SORCS3: variants seen among roughly 807,000 people sequenced by gnomAD.
SORCS3 encodes VPS10 domain-containing receptor SorCS3.
SORCS3 carries 57 observed loss-of-function variants against 146.3 expected under a neutral mutation model. That is an observed-to-expected ratio of 0.39 (90% CI 0.31 to 0.49). The LOEUF (loss-of-function observed/expected upper bound fraction) is 0.49. Among genes scored for constraint, SORCS3 ranks in the 20% least tolerant of loss-of-function variants. The pLI, the probability that SORCS3 is intolerant of heterozygous loss-of-function variation, is 0.92. For synonymous variants in SORCS3, 653 were observed against 618.5 expected, an observed-to-expected ratio of 1.06 and a Z score of -0.83; for missense variants, 1,341 against 1,575.5, an observed-to-expected ratio of 0.85 and a Z score of 2.52.
chr10:104,828,793 C>T (rs540563001), intron 1 of SORCS3, among the ~76,000 whole-genome samples: 10 of 152,286 alleles, frequency 6.6e-5, no homozygotes, highest in East Asian at 3.9e-4. Flanking sequence ...GGTCTGATTT[C>T]GGGAGATTGC....
At chr10:105,028,808 G>A (rs1471897169) in intron 4 of SORCS3, among the ~76,000 whole-genome samples, 1 of 152,138 alleles carries the variant, frequency 6.6e-6, no homozygotes, top group Non-Finnish European at 1.5e-5. Flanking sequence ...CCTGGTGTTA[G>A]AGGTCAAAGA....
At chr10:105,160,739 C>T (rs779798631) in intron 11 of SORCS3, among the ~76,000 whole-genome samples, 13 of 152,206 alleles carry the variant, frequency 8.5e-5, no homozygotes, top group Non-Finnish European at 1.6e-4. Context: ...ACTCTTCTTA[C>T]ATCAGAAGAA....
chr10:105,021,171 C>A (rs1454720227), intron 4 of SORCS3, among the ~76,000 whole-genome samples: 1 of 152,144 alleles, frequency 6.6e-6, no homozygotes, highest in African/African-American at 2.4e-5. Context: ...TTATTATAAA[C>A]AAATTTATTG....
intron 1 of SORCS3, among the ~76,000 whole-genome samples, chr10:104,718,061 G>A (rs1206856470): frequency 2.0e-5 from 3 of 152,094 alleles, no homozygotes; most frequent in East Asian, 1.9e-4. Flanking sequence ...CAGGAGAATC[G>A]CTTGAACCTG....
intron 19 of SORCS3, among the ~76,000 whole-genome samples, chr10:105,222,519 G>C (rs1024838306): frequency 6.6e-6 from 1 of 152,082 alleles, no homozygotes; most frequent in Non-Finnish European, 1.5e-5. Flanking sequence ...TAAGAAGCTT[G>C]GTTACCTTTC....
chr10:104,872,169 T>C (rs557164016), intron 2 of SORCS3, among the ~76,000 whole-genome samples: 2 of 152,298 alleles, frequency 1.3e-5, no homozygotes, highest in South Asian at 2.1e-4. Flanking sequence ...AAACTTACAA[T>C]GTACCATGAG....
At chr10:104,944,324 G>T (rs1451608114) in intron 3 of SORCS3, among the ~76,000 whole-genome samples, 3 of 152,052 alleles carry the variant, frequency 2.0e-5, no homozygotes, top group African/African-American at 7.2e-5. Flanking sequence ...TCTTATATAG[G>T]CTTCTAAAAA....
At chr10:105,213,510 G>T (rs2056646937) in intron 17 of SORCS3, among the ~76,000 whole-genome samples, 1 of 152,190 alleles carries the variant, frequency 6.6e-6, no homozygotes, top group South Asian at 2.1e-4. Flanking sequence ...GATGGTCATA[G>T]TGGTGGTGTG....
At chr10:104,706,740 T>C (rs1768569276) in intron 1 of SORCS3, among the ~76,000 whole-genome samples, 1 of 152,210 alleles carries the variant, frequency 6.6e-6, no homozygotes. Context: ...CACACACACA[T>C]ACACATATGT....
At chr10:105,129,528 A>T (rs1007565363) in intron 7 of SORCS3, among the ~76,000 whole-genome samples, 2 of 151,904 alleles carry the variant, frequency 1.3e-5, no homozygotes, top group African/African-American at 2.4e-5. Context: ...CACTGAAAGT[A>T]TTAGCTCTTA....
intron 2 of SORCS3, among the ~76,000 whole-genome samples, chr10:104,876,772 C>CCTT (rs1445985986): frequency 7.3e-6 from 1 of 136,056 alleles, no homozygotes; most frequent in South Asian, 2.4e-4. Context: ...TTCCTTCCTT[C>CCTT]CTTTCCTTCT....
intron 14 of SORCS3, among the ~76,000 whole-genome samples, chr10:105,196,847 G>A (rs1564782236): frequency 6.6e-6 from 1 of 152,096 alleles, no homozygotes; most frequent in Non-Finnish European, 1.5e-5. Flanking sequence ...AAATTTAGTG[G>A]CTTAAAAGAA....
At chr10:104,738,489 C>G (rs2016802804) in intron 1 of SORCS3, among the ~76,000 whole-genome samples, 2 of 152,110 alleles carry the variant, frequency 1.3e-5, no homozygotes. Flanking sequence ...AGTAAATGAA[C>G]CAGTGGTCTT....
chr10:104,778,620 G>A (rs2017339361), intron 1 of SORCS3, among the ~76,000 whole-genome samples: 1 of 152,214 alleles, frequency 6.6e-6, no homozygotes, highest in Non-Finnish European at 1.5e-5. Flanking sequence ...TGTCAGATGA[G>A]TCTGGTAGTG....
At chr10:105,035,180 G>T (rs1236704021) in intron 4 of SORCS3, among the ~76,000 whole-genome samples, 1 of 152,188 alleles carries the variant, frequency 6.6e-6, no homozygotes, top group Non-Finnish European at 1.5e-5. Context: ...TGGAGGGTCT[G>T]CTTTAACTGA....
intron 1 of SORCS3, among the ~76,000 whole-genome samples, chr10:104,700,089 G>T (rs1359983542): frequency 6.6e-6 from 1 of 152,168 alleles, no homozygotes; most frequent in Non-Finnish European, 1.5e-5. Flanking sequence ...TTGCTTGGAC[G>T]CTGAGCTGTG....
intron 1 of SORCS3, among the ~76,000 whole-genome samples, chr10:104,841,724 A>G (rs1167638905): frequency 6.6e-6 from 1 of 152,228 alleles, no homozygotes; most frequent in African/African-American, 2.4e-5. Context: ...GGTAGCAGAA[A>G]TTCATTATCT....
chr10:104,683,787 C>A (rs1037028984), intron 1 of SORCS3, among the ~76,000 whole-genome samples: 1 of 152,248 alleles, frequency 6.6e-6, no homozygotes, highest in East Asian at 1.9e-4. Context: ...TATGAAAAGT[C>A]TTATTGTCCA....
At chr10:104,751,924 CATATATATATAT>C (rs71482435) in intron 1 of SORCS3, among the ~76,000 whole-genome samples, 580 of 38,440 alleles carry the variant, frequency 0.015, 15 homozygotes, top group Middle Eastern at 0.083. Context: ...TAATAGGAAG[CATATATATATAT>C]ATATATATAT....
Sources: gnomAD v4.1 joint callset for allele counts (sites outside exome capture counted in the v4.1 genomes callset) on GRCh38, gnomAD v4.1.1 for gene constraint, MANE v1.5 for transcripts, NCBI Gene and HGNC (gene_info 2026-07-23, HGNC 2026-07-21) for gene names.